PSD3: variants seen among roughly 807,000 people sequenced by gnomAD.
PSD3 encodes the protein PH and SEC7 domain-containing protein 3.
PSD3 carries 49 observed loss-of-function variants against 105.5 expected under a neutral mutation model. The ratio of observed to expected loss-of-function variants is 0.46; its 90% CI spans 0.37 to 0.59. The LOEUF is 0.59. Ranked by LOEUF, PSD3 falls within the 20% of genes least tolerant of loss-of-function variation. The pLI is 0.00. For synonymous variants in PSD3, 557 were observed against 457.8 expected (o/e 1.22, Z -2.77); for missense variants, 1,561 against 1,263.8 (o/e 1.24, Z -3.57).
intron 4 of PSD3, chr8:18,854,225 G>A (rs796677924): frequency 6.5e-6 from 1 of 152,882 alleles, no homozygotes; most frequent in East Asian, 1.9e-4. Context: ...TGCTTCTGTT[G>A]CAAGTACAAA....
At chr8:18,959,491 A>G (rs1398810117) in intron 1 of PSD3, among the ~76,000 whole-genome samples, 1 of 151,768 alleles carries the variant, frequency 6.6e-6, no homozygotes, top group Non-Finnish European at 1.5e-5. Flanking sequence ...TGCACATCTG[A>G]CTCCAGTCTC....
intron 11 of PSD3, among the ~76,000 whole-genome samples, chr8:18,610,222 CT>C (rs1453674843): frequency 3.3e-4 from 51 of 152,298 alleles, no homozygotes; most frequent in African/African-American, 1.2e-3. Context: ...GGACTCTATA[CT>C]TCTTTATTTG....
chr8:18,928,654 G>C (rs1197370053), intron 2 of PSD3, among the ~76,000 whole-genome samples: 5 of 151,446 alleles, frequency 3.3e-5, no homozygotes, highest in African/African-American at 1.2e-4. Context: ...ACAGTCAGTG[G>C]GTGTTCTCTC....
intron 2 of PSD3, among the ~76,000 whole-genome samples, chr8:18,915,815 G>A (rs1292953436): frequency 6.6e-6 from 1 of 152,070 alleles, no homozygotes; most frequent in Admixed American, 6.5e-5. Context: ...TAAAAATAGG[G>A]CAGGCATGGT....
chr8:18,988,606 C>T (rs934970623), intron 1 of PSD3, among the ~76,000 whole-genome samples: 5 of 135,916 alleles, frequency 3.7e-5, no homozygotes, highest in Admixed American at 2.9e-4. Flanking sequence ...TCACCCAACC[C>T]CCAATGCCAA....
chr8:18,579,362 G>A (rs1006566654), intron 12 of PSD3, among the ~76,000 whole-genome samples: 9 of 152,102 alleles, frequency 5.9e-5, no homozygotes, highest in African/African-American at 2.2e-4. Context: ...CAGTGAGCAA[G>A]ATAAATCCAA....
At chr8:18,860,458 T>TAA (rs5889834) in intron 4 of PSD3, among the ~76,000 whole-genome samples, 8 of 139,794 alleles carry the variant, frequency 5.7e-5, no homozygotes, top group African/African-American at 2.0e-4. Context: ...GTAATTTGAA[T>TAA]AAAAAAAAAA....
chr8:18,674,209 A>T (rs1039189626), intron 9 of PSD3, among the ~76,000 whole-genome samples: 7 of 152,028 alleles, frequency 4.6e-5, no homozygotes, highest in African/African-American at 1.7e-4. Context: ...GGGCATTCAG[A>T]AGGTCGACTT....
At position 19,078,601 on chromosome 8, in the gene PSD3, C is replaced by T. The variant is rs140913462; in HGVS notation, c.324+5605G>A. On this transcript the variant is annotated intron_variant, in intron 1 of 1. Coordinates refer to the PSD3 transcript ENST00000521475. ...TATGAGTTGTCCCTTTCCCAGACCT[C>T]CATGGTGTAACCATCTTCAGGATCT... 4.8e-4 allele frequency among the ~76,000 whole-genome samples: 73 copies of T among 152,128 alleles called. 1 individual carries two copies. In the East Asian group the frequency reaches 0.013, roughly 28 times the overall value.
intron 8 of PSD3, among the ~76,000 whole-genome samples, chr8:18,795,691 A>G (rs1184685148): frequency 6.6e-6 from 1 of 152,182 alleles, no homozygotes; most frequent in Non-Finnish European, 1.5e-5. Context: ...TCCTGCCAGG[A>G]CGGTAGGAAC....
intron 11 of PSD3, among the ~76,000 whole-genome samples, chr8:18,616,625 TTTC>T (rs1182795355): frequency 0.01 from 648 of 62,590 alleles, 27 homozygotes; most frequent in African/African-American, 0.031. Flanking sequence ...TCTCTTTTCT[TTTC>T]TTTTTTTTTT....
chr8:18,828,960 T>C (rs1040089771), intron 4 of PSD3, among the ~76,000 whole-genome samples: 1 of 152,054 alleles, frequency 6.6e-6, no homozygotes, highest in African/African-American at 2.4e-5. Flanking sequence ...TAAAATTCAG[T>C]TACTAAGAGG....
intron 1 of PSD3, among the ~76,000 whole-genome samples, chr8:18,985,907 T>C (rs951065929): frequency 6.6e-6 from 1 of 152,004 alleles, no homozygotes; most frequent in Admixed American, 6.6e-5. Flanking sequence ...TAGTATTATA[T>C]TATAATTACA....
intron 9 of PSD3, among the ~76,000 whole-genome samples, chr8:18,703,686 C>T (rs891438770): frequency 2.6e-5 from 4 of 152,106 alleles, no homozygotes; most frequent in South Asian, 2.1e-4. Flanking sequence ...TTAATATTTC[C>T]GAGAAGATGG....
intron 11 of PSD3, 68 bp from the exon 12 acceptor site, chr8:18,600,502 C>A: frequency 1.6e-6 from 2 of 1,263,870 alleles, no homozygotes; most frequent in Non-Finnish European, 2.3e-6. Context: ...TCTAAATGAT[C>A]AACATGGTGA....
intron 2 of PSD3, among the ~76,000 whole-genome samples, chr8:18,935,114 A>C (rs1218908771): frequency 1.3e-5 from 2 of 152,188 alleles, no homozygotes; most frequent in Non-Finnish European, 2.9e-5. Flanking sequence ...GATGATTAGC[A>C]TAGTGCCTCA....
At chr8:18,737,614 T>G (rs1804251535) in intron 9 of PSD3, among the ~76,000 whole-genome samples, 1 of 152,198 alleles carries the variant, frequency 6.6e-6, no homozygotes, top group Non-Finnish European at 1.5e-5. Flanking sequence ...TATGCTATTT[T>G]CAATAAATTA....
chr8:18,714,077 T>C (rs1802423878), intron 9 of PSD3, among the ~76,000 whole-genome samples: 1 of 152,206 alleles, frequency 6.6e-6, no homozygotes, highest in Non-Finnish European at 1.5e-5. Flanking sequence ...TGGCTAGCCA[T>C]ATGCATAAAA....
chr8:18,671,700 C>G (rs543666048), intron 9 of PSD3, among the ~76,000 whole-genome samples: 1 of 151,682 alleles, frequency 6.6e-6, no homozygotes, highest in Non-Finnish European at 1.5e-5. Flanking sequence ...TGCGCGATCT[C>G]CGCTCACTGC....
Sources: gnomAD v4.1 joint callset for allele counts (sites outside exome capture counted in the v4.1 genomes callset) on GRCh38, gnomAD v4.1.1 for gene constraint, MANE v1.5 for transcripts, NCBI Gene and HGNC (gene_info 2026-07-23, HGNC 2026-07-21) for gene names.